DAPK1: variants seen among roughly 807,000 people sequenced by gnomAD.
DAPK1 encodes death-associated protein kinase 1.
A neutral mutation model predicts 144.9 loss-of-function variants in DAPK1; 56 were observed. The ratio of observed to expected loss-of-function variants is 0.39; its 90% CI spans 0.31 to 0.48. The LOEUF is 0.48. DAPK1 is among the 20% of genes least tolerant of loss of function. The pLI, the probability that DAPK1 is intolerant of heterozygous loss-of-function variation, is 0.95. For missense variants in DAPK1, 1,454 were observed against 1,875.4 expected (o/e 0.78, Z 4.15); for synonymous variants, 690 against 749.0 (o/e 0.92, Z 1.29).
rs143584239 is a variant in DAPK1, at chr9:87,602,922, TTCTCTCTCTC to T, written c.63-2015_63-2006del. On this transcript the variant is annotated intron_variant, in intron 2 of 25. Transcript: ENST00000408954. ...GGTTTTTCTTTCTCTGTCTCTCTGT[TTCTCTCTCTC>T]TCTCTCTCTCTCTCTCAGCTTTTTA... 5.5e-4 allele frequency among the ~76,000 whole-genome samples: 80 copies of T among 146,526 alleles called. 1 individual carries two copies. Among genetic ancestry groups the T allele is most frequent in the African/African-American group, 2.0e-3 (78 of 39,550 alleles).
At chr9:87,518,102 GTTGTTTTT>G (rs1563970326) in intron 2 of DAPK1, among the ~76,000 whole-genome samples, 55 of 38,406 alleles carry the variant, frequency 1.4e-3, no homozygotes, top group Admixed American at 6.1e-3. Context: ...CGTTTATGTT[GTTGTTTTT>G]TTTTTTTTTT....
intron 3 of DAPK1, among the ~76,000 whole-genome samples, chr9:87,613,216 G>A (rs1280912566): frequency 2.0e-5 from 3 of 152,048 alleles, no homozygotes; most frequent in Non-Finnish European, 4.4e-5. Flanking sequence ...TTTAATCATG[G>A]TAAAACAACA....
intron 3 of DAPK1, among the ~76,000 whole-genome samples, chr9:87,620,547 G>A (rs1166510939): frequency 6.6e-6 from 1 of 150,528 alleles, no homozygotes; most frequent in Non-Finnish European, 1.5e-5. Context: ...TCAAGAAGGA[G>A]GAAGAGAAGG....
chr9:87,680,561 G>C (rs1824571130), intron 19 of DAPK1, among the ~76,000 whole-genome samples: 2 of 152,144 alleles, frequency 1.3e-5, no homozygotes, highest in African/African-American at 4.8e-5. Flanking sequence ...TCCTATTCCA[G>C]ACCTACAGTT....
chr9:87,693,157 T>C (rs2117982343), intron 21 of DAPK1, among the ~76,000 whole-genome samples: 1 of 151,728 alleles, frequency 6.6e-6, no homozygotes, highest in African/African-American at 2.4e-5. Flanking sequence ...ATTATTTTAA[T>C]AAATAGATTT....
intron 3 of DAPK1, among the ~76,000 whole-genome samples, chr9:87,609,713 G>T (rs540020468): frequency 3.9e-5 from 6 of 152,278 alleles, no homozygotes; most frequent in African/African-American, 1.4e-4. Context: ...GTTAGGGAGA[G>T]AATCAAAATG....
intron 3 of DAPK1, among the ~76,000 whole-genome samples, chr9:87,608,554 G>C (rs1173693868): frequency 6.6e-6 from 1 of 152,212 alleles, no homozygotes; most frequent in East Asian, 1.9e-4. Flanking sequence ...AAACTGCCAA[G>C]CTGTCTTCTA....
chr9:87,675,085 A>AC (rs1383776150), intron 19 of DAPK1, among the ~76,000 whole-genome samples: 2 of 152,124 alleles, frequency 1.3e-5, no homozygotes, highest in African/African-American at 2.4e-5. Context: ...ATGGCCTACA[A>AC]CCCACTGCCT....
At chr9:87,660,002 G>GT (rs1220459951) in intron 18 of DAPK1, among the ~76,000 whole-genome samples, 1 of 152,106 alleles carries the variant, frequency 6.6e-6, no homozygotes, top group African/African-American at 2.4e-5. Context: ...GAAGGAGTGG[G>GT]TCCTGAGGGC....
chr9:87,530,888 C>G (rs1051037061), intron 2 of DAPK1, among the ~76,000 whole-genome samples: 1 of 134,066 alleles, frequency 7.5e-6, no homozygotes, highest in African/African-American at 2.9e-5. Flanking sequence ...CCAGTGACCT[C>G]TCCATATTCA....
At chr9:87,651,020 C>T (rs1253368867) in intron 16 of DAPK1, among the ~76,000 whole-genome samples, 2 of 152,190 alleles carry the variant, frequency 1.3e-5, no homozygotes, top group African/African-American at 2.4e-5. Flanking sequence ...AGAATGAATG[C>T]CCGGGCTGGT....
chr9:87,612,174 C>T (rs542184905), intron 3 of DAPK1, among the ~76,000 whole-genome samples: 40 of 152,210 alleles, frequency 2.6e-4, no homozygotes, highest in Non-Finnish European at 5.0e-4. Flanking sequence ...GTCCCTACCT[C>T]TCAACACTCT....
chr9:87,632,429 T>C, intron 3 of DAPK1: 1 of 982,210 alleles, frequency 1.0e-6, no homozygotes, highest in Non-Finnish European at 1.2e-6. Flanking sequence ...GGAGGATAAG[T>C]GTGTATGTAA....
chr9:87,615,371 A>G (rs1451165904), intron 3 of DAPK1, among the ~76,000 whole-genome samples: 1 of 152,334 alleles, frequency 6.6e-6, no homozygotes, highest in Non-Finnish European at 1.5e-5. Flanking sequence ...TTGAAATGTC[A>G]GTTTCATTTC....
chr9:87,602,922 T>TTCTCTCTCTCTCTCTC lies in DAPK1; in HGVS notation c.63-2021_63-2006dup, dbSNP rs143584239. 1.9e-3 allele frequency among the ~76,000 whole-genome samples: 275 copies of TTCTCTCTCTCTCTCTC among 146,516 alleles called. 2 individuals carry two copies. Among genetic ancestry groups the TTCTCTCTCTCTCTCTC allele is most frequent in the African/African-American group, 6.7e-3 (263 of 39,540 alleles). ...GGTTTTTCTTTCTCTGTCTCTCTGT[T>TTCTCTCTCTCTCTCTC]TCTCTCTCTCTCTCTCTCTCTCTCT... On this transcript the variant is annotated intron_variant, in intron 2 of 25. Transcript: ENST00000408954.
chr9:87,548,684 T>C (rs1421981493), intron 2 of DAPK1, among the ~76,000 whole-genome samples: 1 of 152,186 alleles, frequency 6.6e-6, no homozygotes, highest in Admixed American at 6.5e-5. Context: ...GAACCAGTGT[T>C]GCATGGATTT....
chr9:87,678,587 C>T (rs1254222452), intron 19 of DAPK1, among the ~76,000 whole-genome samples: 6 of 152,186 alleles, frequency 3.9e-5, no homozygotes, highest in Admixed American at 1.3e-4. Context: ...TAGCAGCATT[C>T]GTGGATAACT....
chr9:87,503,338 C>T (rs78360735), intron 2 of DAPK1, among the ~76,000 whole-genome samples: 27,250 of 152,070 alleles, frequency 0.18, 2,849 homozygotes, highest in East Asian at 0.33. Context: ...AGTCATAGCT[C>T]ACTGTAACCT....
chr9:87,677,757 G>A (rs145763784), intron 19 of DAPK1, among the ~76,000 whole-genome samples: 138 of 152,326 alleles, frequency 9.1e-4, no homozygotes, highest in South Asian at 6.2e-3. Flanking sequence ...CACAGTGGAC[G>A]CAGCTCAGGT....
Sources: gnomAD v4.1 joint callset for allele counts (sites outside exome capture counted in the v4.1 genomes callset) on GRCh38, gnomAD v4.1.1 for gene constraint, MANE v1.5 for transcripts, NCBI Gene and HGNC (gene_info 2026-07-23, HGNC 2026-07-21) for gene names.